The following CNTNAP5 variants were observed in gnomAD, a reference collection of about 807,000 sequenced individuals.
CNTNAP5 encodes the protein contactin-associated protein-like 5.
In CNTNAP5, 72 loss-of-function variants were observed where a neutral mutation model predicts 150.2. The ratio of observed to expected loss-of-function variants is 0.48; its 90% CI spans 0.40 to 0.58. CNTNAP5 has a LOEUF of 0.58. Among genes scored for constraint, CNTNAP5 ranks in the 20% least tolerant of loss-of-function variants. The probability of loss-of-function intolerance (pLI) is 0.00; values close to 1 mark genes in which losing one functional copy is unlikely to be tolerated. For missense variants in CNTNAP5, 1,636 were observed against 1,626.2 expected (o/e 1.01, Z -0.10); for synonymous variants, 672 against 619.8 (o/e 1.08, Z -1.25).
At chr2:124,567,870 TAGATAGATAGATATAG>T (rs1352409040) in intron 11 of CNTNAP5, among the ~76,000 whole-genome samples, 11 of 136,744 alleles carry the variant, frequency 8.0e-5, no homozygotes, top group African/African-American at 2.8e-4. Flanking sequence ...GATAGATAGA[TAGATAGATAGATATAG>T]ATAGATAGAT....
intron 3 of CNTNAP5, among the ~76,000 whole-genome samples, chr2:124,367,192 A>T (rs1040583887): frequency 2.6e-5 from 4 of 152,214 alleles, no homozygotes; most frequent in African/African-American, 9.6e-5. Context: ...AAATGGTAAA[A>T]ACAGAGAGAA....
At chr2:124,666,255 G>C (rs1353057942) in intron 13 of CNTNAP5, among the ~76,000 whole-genome samples, 2 of 152,140 alleles carry the variant, frequency 1.3e-5, no homozygotes, top group Non-Finnish European at 2.9e-5. Context: ...AGAGGTTATA[G>C]GTGGATTAAA....
chr2:124,549,860 A>G (rs1695591123), intron 10 of CNTNAP5, among the ~76,000 whole-genome samples: 1 of 152,200 alleles, frequency 6.6e-6, no homozygotes, highest in Non-Finnish European at 1.5e-5. Context: ...TTCTTGCTTC[A>G]TTATTATGCA....
At position 124,306,276 on chromosome 2, in the gene CNTNAP5, C is replaced by A. The variant is rs1003332062; in HGVS notation, c.381+63883C>A. ...CCAGTCGCTCCCACCCTCTCAGTCT[C>A]AGCCACCCTTTCTGCCTCTCACTTC... On this transcript the variant is annotated intron_variant, in intron 3 of 23. Coordinates refer to ENST00000682447, the MANE Select transcript of CNTNAP5 (RefSeq NM_001367498.1). Among the ~76,000 whole-genome samples the A allele has an allele frequency of 3.3e-5, 5 of 152,202 alleles. No individual in the cohort carries two copies. The East Asian group carries it at 9.6e-4, about 29-fold the overall frequency.
rs191908888 is a variant in CNTNAP5 at position 124,285,130 on chromosome 2, G to A, written c.381+42737G>A. On this transcript the variant is annotated intron_variant, in intron 3 of 23. Coordinates refer to ENST00000682447, the MANE Select transcript of CNTNAP5 (RefSeq NM_001367498.1). ...TGGATGTGTTTCTGTTTTCCACCGG[G>A]CAACTTGAGTAGCTTTAGTTTGTAA... Among the ~76,000 whole-genome samples, 168 of 152,206 alleles carry A rather than the reference G, an allele frequency of 1.1e-3. 1 individual carries two copies. Among genetic ancestry groups the A allele is most frequent in the Admixed American group, 1.4e-3 (22 of 15,268 alleles).
At chr2:124,382,173 A>T (rs533731694) in intron 3 of CNTNAP5, among the ~76,000 whole-genome samples, 1 of 152,164 alleles carries the variant, frequency 6.6e-6, no homozygotes, top group Non-Finnish European at 1.5e-5. Context: ...TAAGCCATCA[A>T]TGTGGCTAGG....
intron 6 of CNTNAP5, among the ~76,000 whole-genome samples, chr2:124,474,513 G>T (rs1362013540): frequency 6.6e-6 from 1 of 151,988 alleles, no homozygotes; most frequent in Non-Finnish European, 1.5e-5. Flanking sequence ...GAAAGGAAGT[G>T]AAAATGGTTG....
chr2:124,446,357 G>T (rs1257417832), intron 5 of CNTNAP5, among the ~76,000 whole-genome samples: 1 of 151,988 alleles, frequency 6.6e-6, no homozygotes, highest in Non-Finnish European at 1.5e-5. Context: ...ACGTATCCCA[G>T]CTTTACTCCT....
chr2:124,728,135 T>G (rs112412479), intron 13 of CNTNAP5, among the ~76,000 whole-genome samples: 3 of 152,090 alleles, frequency 2.0e-5, no homozygotes, highest in African/African-American at 7.2e-5. Context: ...AACAATCCTT[T>G]TATCTCACTT....
rs372156566 is a variant in CNTNAP5 at position 124,221,856 on chromosome 2, G to A, written c.187+47G>A. The A allele has an allele frequency of 1.8e-4, 228 of 1,248,332 alleles. 1 individual carries two copies. Among genetic ancestry groups the A allele is most frequent in the African/African-American group, 1.6e-3 (105 of 67,554 alleles). The allele number at this position is 1,248,332 out of a possible 1,614,324, so 77.3% of individuals were successfully genotyped here. A position where few individuals can be genotyped will look rare whatever the true frequency, so the allele number is the denominator to read the frequency against. On this transcript the variant is annotated intron_variant, in intron 2 of 23. Coordinates refer to ENST00000682447, the MANE Select transcript of CNTNAP5 (RefSeq NM_001367498.1). ...CTAATGCCAAGCACTAAATAATTAC[G>A]TGGTGGGTAGGTGAAGGAGAGTGAG...
At chr2:124,752,993 C>T (rs1473235083) in intron 14 of CNTNAP5, among the ~76,000 whole-genome samples, 1 of 152,192 alleles carries the variant, frequency 6.6e-6, no homozygotes, top group African/African-American at 2.4e-5. Flanking sequence ...TCCAAACAAC[C>T]AGGTTGCCCT....
intron 11 of CNTNAP5, among the ~76,000 whole-genome samples, chr2:124,571,448 G>A (rs528838581): frequency 6.6e-6 from 1 of 151,352 alleles, no homozygotes; most frequent in South Asian, 2.1e-4. Flanking sequence ...GGAGTCAGAA[G>A]AGGGATGTTT....
intron 3 of CNTNAP5, among the ~76,000 whole-genome samples, chr2:124,387,284 C>A (rs903472016): frequency 6.6e-6 from 1 of 152,158 alleles, no homozygotes; most frequent in Non-Finnish European, 1.5e-5. Context: ...GGCTAAGATG[C>A]CCCACCAATA....
intron 3 of CNTNAP5, among the ~76,000 whole-genome samples, chr2:124,394,975 A>C (rs1691209935): frequency 6.6e-6 from 1 of 152,164 alleles, no homozygotes; most frequent in Non-Finnish European, 1.5e-5. Context: ...AATTCTCTTG[A>C]TCTTATCCTA....
chr2:124,504,128 G>A (rs1694342700), intron 7 of CNTNAP5, among the ~76,000 whole-genome samples, 164 bp from the exon 8 acceptor site: 1 of 152,152 alleles, frequency 6.6e-6, no homozygotes, highest in Non-Finnish European at 1.5e-5. Context: ...ACGATCTTGT[G>A]AGTGTGTCTG....
intron 11 of CNTNAP5, among the ~76,000 whole-genome samples, chr2:124,572,848 C>G (rs573728207): frequency 9.2e-5 from 14 of 152,310 alleles, no homozygotes; most frequent in Admixed American, 3.3e-4. Flanking sequence ...TCAACTGATG[C>G]AAGAAATCTG....
At chr2:124,361,853 A>G (rs1466190881) in intron 3 of CNTNAP5, among the ~76,000 whole-genome samples, 17 of 152,244 alleles carry the variant, frequency 1.1e-4, no homozygotes, top group South Asian at 2.1e-4. Flanking sequence ...CGAGCTTCCC[A>G]GCTGCTTTGT....
chr2:124,362,080 T>C (rs557283508), intron 3 of CNTNAP5, among the ~76,000 whole-genome samples: 8 of 152,226 alleles, frequency 5.3e-5, no homozygotes, highest in African/African-American at 1.2e-4. Context: ...TTCCCGGTGC[T>C]GTCCGTCACC....
chr2:124,813,388 TC>T (rs1407418852), intron 19 of CNTNAP5, among the ~76,000 whole-genome samples: 6 of 147,974 alleles, frequency 4.1e-5, no homozygotes, highest in Non-Finnish European at 9.1e-5. Flanking sequence ...GTTTTTTTTT[TC>T]TTTTTTTTTC....
Sources: gnomAD v4.1 joint callset for allele counts (sites outside exome capture counted in the v4.1 genomes callset) on GRCh38, gnomAD v4.1.1 for gene constraint, MANE v1.5 for transcripts, NCBI Gene and HGNC (gene_info 2026-07-23, HGNC 2026-07-21) for gene names.